SULT4A1: variants seen among roughly 807,000 people sequenced by gnomAD.
The protein encoded by SULT4A1 is sulfotransferase 4A1.
A neutral mutation model predicts 35.2 loss-of-function variants in SULT4A1; 11 were observed. The observed-to-expected ratio is 0.31, with a 90% confidence interval of 0.20 to 0.52. The LOEUF (loss-of-function observed/expected upper bound fraction) is 0.52, where lower values mean the gene tolerates loss of function less well. Among genes scored for constraint, SULT4A1 ranks in the 20% least tolerant of loss-of-function variants. The pLI is 0.97. For synonymous variants in SULT4A1, 152 were observed against 151.8 expected, an observed-to-expected ratio of 1.00 and a Z score of -0.01; for missense variants, 271 against 383.7, an observed-to-expected ratio of 0.71 and a Z score of 2.45.
intron 1 of SULT4A1, among the ~76,000 whole-genome samples, chr22:43,842,855 TATG>T: frequency 6.6e-6 from 1 of 152,214 alleles, no homozygotes; most frequent in Non-Finnish European, 1.5e-5. Context: ...CATGCTACAT[TATG>T]ATATGTGCTG....
chr22:43,836,677 G>C (rs969590259), intron 4 of SULT4A1, among the ~76,000 whole-genome samples: 3 of 145,906 alleles, frequency 2.1e-5, no homozygotes, highest in East Asian at 4.1e-4. Flanking sequence ...GCCACAGGGA[G>C]CCTGTCTACA....
rs2063293825 is a variant in SULT4A1 at position 43,827,277 on chromosome 22, G to T, written c.743-1164C>A. 10 of 985,398 alleles carry T rather than the reference G, an allele frequency of 1.0e-5. No individual in the cohort carries two copies. The South Asian group carries it at 1.9e-4, about 19-fold the overall frequency. The allele number at this position is 985,398 out of a possible 1,614,324, so 61.0% of individuals were successfully genotyped here. A position where few individuals can be genotyped will look rare whatever the true frequency, so the allele number is the denominator to read the frequency against. On this transcript the variant is annotated intron_variant, in intron 6 of 6. Coordinates refer to ENST00000330884, the MANE Select transcript of SULT4A1 (RefSeq NM_014351.4). ...CGGTCCTTGTCCAGGCAGGACCTCAGGTTTTTCAAACTGCAACCCTGCAAA... is the reference window on the plus strand; with the variant it reads ...CGGTCCTTGTCCAGGCAGGACCTCATGTTTTTCAAACTGCAACCCTGCAAA...
At chr22:43,833,174 A>G (rs2063336930) in intron 5 of SULT4A1, among the ~76,000 whole-genome samples, 1 of 151,866 alleles carries the variant, frequency 6.6e-6, no homozygotes, top group African/African-American at 2.4e-5. Flanking sequence ...TGCCTGGACT[A>G]AGACCTTGTC....
chr22:43,851,358 G>A (rs1799307502), intron 1 of SULT4A1, among the ~76,000 whole-genome samples: 1 of 152,116 alleles, frequency 6.6e-6, no homozygotes. Flanking sequence ...TCCTCACATG[G>A]TCTTTGCTTT....
At chr22:43,848,658 G>T (rs2063491569) in intron 1 of SULT4A1, among the ~76,000 whole-genome samples, 1 of 152,244 alleles carries the variant, frequency 6.6e-6, no homozygotes, top group African/African-American at 2.4e-5. Flanking sequence ...TCCTAGTGAG[G>T]CCTGTCATGT....
At chr22:43,847,574 C>T (rs1399061549) in intron 1 of SULT4A1, among the ~76,000 whole-genome samples, 4 of 125,640 alleles carry the variant, frequency 3.2e-5, no homozygotes, top group Non-Finnish European at 6.7e-5. Flanking sequence ...GCCCTGCCAG[C>T]CCTCCACCCA....
chr22:43,857,942 T>C (rs1023927819), intron 1 of SULT4A1, among the ~76,000 whole-genome samples: 2 of 146,460 alleles, frequency 1.4e-5, no homozygotes, highest in South Asian at 2.2e-4. Flanking sequence ...CCTAGCTACT[T>C]GGGAGGCTGA....
intron 6 of SULT4A1, 50 bp from the exon 7 acceptor site, chr22:43,826,163 T>G: frequency 6.2e-7 from 1 of 1,608,766 alleles, no homozygotes. Context: ...TCCGGCCAGC[T>G]ACTGAACTAA....
intron 4 of SULT4A1, among the ~76,000 whole-genome samples, chr22:43,836,702 C>G (rs961944246): frequency 7.1e-6 from 1 of 141,494 alleles, no homozygotes; most frequent in African/African-American, 2.7e-5. Context: ...AAACTGAAGG[C>G]TCCACAGGGA....
At position 43,829,148 on chromosome 22, in the gene SULT4A1, A is replaced by G. The variant is rs1257344845; in HGVS notation, c.654T>C (p.Cys218=). 6.4e-7 allele frequency: 1 copy of G among 1,564,144 alleles called. No homozygotes were observed. The highest frequency in any genetic ancestry group is 8.7e-7 in the Non-Finnish European group (1 of 1,154,410). ...EQLARFLGVS[C]DKAQLEALTE... ...TCAGGGCTTCCAGCTGGGCCTTGTC[A>G]CAGGACACCCCCAGGAATCTGGCCA... Residue 218 remains cysteine (C), a synonymous_variant, in exon 6 of 7, where the codon TGT becomes TGC. Transcript: ENST00000330884.
At chr22:43,858,049 C>CA (rs11362056) in intron 1 of SULT4A1, among the ~76,000 whole-genome samples, 39,761 of 91,660 alleles carry the variant, frequency 0.43, 9,670 homozygotes, top group East Asian at 0.82. Flanking sequence ...GATCCTGTCT[C>CA]AAAAAAAAAA....
chr22:43,860,040 C>T lies in SULT4A1; in HGVS notation c.169+2174G>A, dbSNP rs1329859539. On this transcript the variant is annotated intron_variant, in intron 1 of 6. Transcript: ENST00000330884. ...CGAAGGCAGGATCTAATTATCATTGCCTTAGCCACCAGAAAGCCCCCACCA... is the reference window on the plus strand; with the variant it reads ...CGAAGGCAGGATCTAATTATCATTGTCTTAGCCACCAGAAAGCCCCCACCA... Among the ~76,000 whole-genome samples, 15 of 152,264 alleles carry T rather than the reference C, an allele frequency of 9.9e-5. 1 individual carries two copies. Among genetic ancestry groups the T allele is most frequent in the South Asian group, 4.1e-4 (2 of 4,824 alleles).
chr22:43,840,472 G>A (rs890805819), intron 2 of SULT4A1, among the ~76,000 whole-genome samples: 11 of 152,138 alleles, frequency 7.2e-5, no homozygotes, highest in Admixed American at 5.2e-4. Context: ...TGGCGGTAGA[G>A]ACAAGGGTCC....
intron 1 of SULT4A1, among the ~76,000 whole-genome samples, chr22:43,853,891 G>A (rs2049372111): frequency 6.6e-6 from 1 of 152,216 alleles, no homozygotes; most frequent in South Asian, 2.1e-4. Context: ...CTGCCTCAAG[G>A]GGAAGAGGCT....
chr22:43,831,681 C>A (rs914434764), intron 5 of SULT4A1, among the ~76,000 whole-genome samples: 1 of 152,236 alleles, frequency 6.6e-6, no homozygotes, highest in Non-Finnish European at 1.5e-5. Flanking sequence ...TCGCCATCTG[C>A]GCAGAAGCCA....
chr22:43,851,501 C>T (rs2049341784), intron 1 of SULT4A1, among the ~76,000 whole-genome samples: 1 of 152,166 alleles, frequency 6.6e-6, no homozygotes, highest in South Asian at 2.1e-4. Flanking sequence ...CTGGGGGTCA[C>T]ACGTGCCTGG....
chr22:43,861,458 C>T (rs996485335), intron 1 of SULT4A1, among the ~76,000 whole-genome samples: 2 of 152,206 alleles, frequency 1.3e-5, no homozygotes, highest in African/African-American at 4.8e-5. Flanking sequence ...AACAGACCAG[C>T]CTAGCTTTAA....
chr22:43,848,503 C>A (rs926218745), intron 1 of SULT4A1, among the ~76,000 whole-genome samples: 2 of 152,220 alleles, frequency 1.3e-5, no homozygotes, highest in African/African-American at 4.8e-5. Context: ...GTGGTTCCCT[C>A]CACTAGCCTC....
At chr22:43,839,751 G>A (rs894273124) in intron 3 of SULT4A1, among the ~76,000 whole-genome samples, 194 bp downstream of exon 3, 10 of 152,150 alleles carry the variant, frequency 6.6e-5, no homozygotes, top group Admixed American at 1.3e-4. Context: ...CCAACCCGTC[G>A]TTAAAAACTT....
Sources: gnomAD v4.1 joint callset for allele counts (sites outside exome capture counted in the v4.1 genomes callset) on GRCh38, gnomAD v4.1.1 for gene constraint, MANE v1.5 for transcripts, NCBI Gene and HGNC (gene_info 2026-07-23, HGNC 2026-07-21) for gene names.